The following ANO4 variants were observed in gnomAD, a reference collection of about 807,000 sequenced individuals.
ANO4 encodes anoctamin-4.
ANO4 carries 69 observed loss-of-function variants against 141.9 expected under a neutral mutation model. That is an observed-to-expected ratio of 0.49 (90% CI 0.40 to 0.59). The LOEUF (loss-of-function observed/expected upper bound fraction) is 0.59, where lower values mean the gene tolerates loss of function less well. Ranked by LOEUF, ANO4 falls within the 20% of genes least tolerant of loss-of-function variation. The pLI is 0.00. For missense variants in ANO4, 894 were observed against 1,162.2 expected (o/e 0.77, Z 3.36); for synonymous variants, 350 against 394.3 (o/e 0.89, Z 1.33).
At chr12:100,748,222 A>G (rs1023125831) in intron 3 of ANO4, among the ~76,000 whole-genome samples, 1 of 152,212 alleles carries the variant, frequency 6.6e-6, no homozygotes, top group African/African-American at 2.4e-5. Context: ...TCAATGTCTT[A>G]TAACAAATTG....
intron 14 of ANO4, among the ~76,000 whole-genome samples, chr12:101,072,394 TAAG>T (rs1434208416): frequency 6.6e-6 from 1 of 152,192 alleles, no homozygotes; most frequent in Non-Finnish European, 1.5e-5. Context: ...CCTAGGAGGA[TAAG>T]AAATCATTTT....
intron 1 of ANO4, among the ~76,000 whole-genome samples, chr12:100,861,613 C>A (rs751099784): frequency 1.3e-5 from 2 of 152,174 alleles, no homozygotes; most frequent in Non-Finnish European, 2.9e-5. Flanking sequence ...CCATATACTA[C>A]TGTAGACTTT....
chr12:101,003,621 C>A (rs1198450112), intron 8 of ANO4, among the ~76,000 whole-genome samples: 1 of 152,146 alleles, frequency 6.6e-6, no homozygotes, highest in Non-Finnish European at 1.5e-5. Flanking sequence ...AGTCTGTGAG[C>A]TTACGGGGCT....
intron 1 of ANO4, among the ~76,000 whole-genome samples, chr12:100,802,138 TAAC>T (rs1397247501): frequency 6.6e-6 from 1 of 152,210 alleles, no homozygotes; most frequent in East Asian, 1.9e-4. Flanking sequence ...AGGTGCCTGT[TAAC>T]AAACTGTCCA....
At chr12:100,823,708 C>T (rs9669731) in intron 1 of ANO4, among the ~76,000 whole-genome samples, 59,227 of 151,772 alleles carry the variant, frequency 0.39, 11,757 homozygotes, top group Admixed American at 0.47. Flanking sequence ...CCCCATTGGG[C>T]ACTTGGATTG....
intron 1 of ANO4, among the ~76,000 whole-genome samples, chr12:100,810,428 T>TG (rs2135701957): frequency 6.6e-6 from 1 of 152,144 alleles, no homozygotes; most frequent in South Asian, 2.1e-4. Flanking sequence ...CAGAATGAGA[T>TG]GGGGAGCCAG....
intron 15 of ANO4, 88 bp from the exon 16 acceptor site, chr12:101,083,590 C>G: frequency 5.4e-6 from 8 of 1,476,828 alleles, no homozygotes; most frequent in Non-Finnish European, 6.3e-6. Flanking sequence ...GCTGTTGACT[C>G]TGTTTTATGG....
chr12:101,096,582 A>G lies in ANO4; in HGVS notation c.1785A>G (p.Lys595=), dbSNP rs376628514. 6.2e-7 allele frequency: 1 copy of G among 1,613,452 alleles called. No homozygotes were observed. The highest frequency in any genetic ancestry group is 8.5e-7 in the Non-Finnish European group (1 of 1,179,666). ...AGTGGGAGAACAGCTTCACCCTGAA[A>G]ATGTTTCTTTTTCAGTTTGTCAATC... ...ESEWENSFTL[K]MFLFQFVNLN... The change falls in exon 19 of 28, where the codon AAA becomes AAG. Residue 595 remains lysine, a synonymous_variant. Transcript: ENST00000392977.
At chr12:101,100,643 C>T (rs1392806498) in intron 22 of ANO4, among the ~76,000 whole-genome samples, 1 of 152,280 alleles carries the variant, frequency 6.6e-6, no homozygotes, top group Non-Finnish European at 1.5e-5. Context: ...ATATTGAGTG[C>T]TTAAAAAGAA....
intron 26 of ANO4, among the ~76,000 whole-genome samples, chr12:101,120,931 C>T (rs1397810381): frequency 6.6e-6 from 1 of 152,154 alleles, no homozygotes; most frequent in African/African-American, 2.4e-5. Flanking sequence ...TCCTCACTCC[C>T]AGATATTCTG....
intron 25 of ANO4, among the ~76,000 whole-genome samples, chr12:101,117,878 G>A (rs935971705): frequency 3.3e-5 from 5 of 152,050 alleles, no homozygotes; most frequent in Admixed American, 6.6e-5. Flanking sequence ...AGAAGCCAGG[G>A]GCTCCCCATT....
intron 14 of ANO4, among the ~76,000 whole-genome samples, chr12:101,056,066 A>G (rs1247408571): frequency 2.0e-5 from 3 of 152,180 alleles, no homozygotes; most frequent in Non-Finnish European, 4.4e-5. Context: ...TTATGGCATA[A>G]TAACTGTTAA....
chr12:101,008,746 G>A (rs1345166930), intron 8 of ANO4, among the ~76,000 whole-genome samples: 1 of 151,976 alleles, frequency 6.6e-6, no homozygotes, highest in African/African-American at 2.4e-5. Context: ...TACCTAAATT[G>A]TCTAAATTTC....
chr12:100,863,142 G>A (rs192438220), intron 1 of ANO4, among the ~76,000 whole-genome samples: 1 of 152,310 alleles, frequency 6.6e-6, no homozygotes, highest in East Asian at 1.9e-4. Flanking sequence ...TCAAAGAAGA[G>A]GAAGCAGGCC....
At chr12:100,957,723 T>A (rs2043227561) in intron 5 of ANO4, among the ~76,000 whole-genome samples, 1 of 152,230 alleles carries the variant, frequency 6.6e-6, no homozygotes, top group Non-Finnish European at 1.5e-5. Flanking sequence ...CCTGAGTAGC[T>A]GGGATTACAG....
chr12:100,986,451 A>G (rs2044713530), intron 7 of ANO4, among the ~76,000 whole-genome samples: 1 of 152,118 alleles, frequency 6.6e-6, no homozygotes, highest in Non-Finnish European at 1.5e-5. Context: ...CTTCTTTACT[A>G]AGTCTACAAA....
chr12:100,754,548 A>T (rs1243359467), intron 3 of ANO4, among the ~76,000 whole-genome samples: 1 of 152,106 alleles, frequency 6.6e-6, no homozygotes. Flanking sequence ...ATATGACCCA[A>T]CTATTCCACT....
At chr12:101,022,441 C>A (rs1381486478) in intron 9 of ANO4, among the ~76,000 whole-genome samples, 1 of 152,122 alleles carries the variant, frequency 6.6e-6, no homozygotes, top group African/African-American at 2.4e-5. Context: ...GAAAATCTAC[C>A]ACATAAAGAG....
chr12:101,047,252 A>C (rs1314796457), intron 13 of ANO4, among the ~76,000 whole-genome samples: 3 of 151,968 alleles, frequency 2.0e-5, no homozygotes, highest in Non-Finnish European at 2.9e-5. Context: ...CCATCTCAAA[A>C]ACAAACAAAC....
Sources: gnomAD v4.1 joint callset for allele counts (sites outside exome capture counted in the v4.1 genomes callset) on GRCh38, gnomAD v4.1.1 for gene constraint, MANE v1.5 for transcripts, NCBI Gene and HGNC (gene_info 2026-07-23, HGNC 2026-07-21) for gene names.